MCTP2: variants seen among roughly 807,000 people sequenced by gnomAD.
MCTP2 encodes multiple C2 and transmembrane domain containing 2.
In MCTP2, 132 loss-of-function variants were observed where a neutral mutation model predicts 111.6. The observed-to-expected ratio is 1.18, with a 90% CI of 1.03 to 1.37. The LOEUF is 1.37. Ranked by LOEUF, MCTP2 falls within the 40% of genes most tolerant of loss-of-function variation. MCTP2 has a pLI of 0.00. For synonymous variants in MCTP2, 395 were observed against 387.7 expected, an observed-to-expected ratio of 1.02 and a Z score of -0.22; for missense variants, 1,183 against 1,067.9, an observed-to-expected ratio of 1.11 and a Z score of -1.50.
At chr15:94,380,550 A>T (rs1449450478) in intron 12 of MCTP2, among the ~76,000 whole-genome samples, 2 of 152,026 alleles carry the variant, frequency 1.3e-5, no homozygotes, top group Non-Finnish European at 2.9e-5. Context: ...GGTGGATCAC[A>T]TGAGGTCAGG....
intron 4 of MCTP2, among the ~76,000 whole-genome samples, chr15:94,316,866 C>T (rs2076399845): frequency 6.6e-6 from 1 of 151,990 alleles, no homozygotes; most frequent in East Asian, 1.9e-4. Context: ...TGGACGGTTT[C>T]TCCTGTTGCT....
intron 17 of MCTP2, among the ~76,000 whole-genome samples, chr15:94,428,997 T>C (rs1007801253): frequency 2.0e-5 from 3 of 152,236 alleles, no homozygotes; most frequent in African/African-American, 7.2e-5. Context: ...CTTTTCACTC[T>C]TCTAGACAAT....
chr15:94,306,190 C>T (rs1217434294), intron 2 of MCTP2, among the ~76,000 whole-genome samples: 1 of 152,132 alleles, frequency 6.6e-6, no homozygotes, highest in Non-Finnish European at 1.5e-5. Context: ...ATTAGTAAGA[C>T]TTAGATAGGC....
intron 4 of MCTP2, among the ~76,000 whole-genome samples, chr15:94,328,295 A>ATT (rs1188292529): frequency 6.6e-6 from 1 of 151,446 alleles, no homozygotes; most frequent in Admixed American, 6.6e-5. Flanking sequence ...CGCCCGGCTA[A>ATT]TTTTTTGTAT....
intron 4 of MCTP2, among the ~76,000 whole-genome samples, chr15:94,326,813 G>GCCCCCCCCCCCCCCCCCCCCCC (rs1358678233): frequency 2.6e-5 from 1 of 39,058 alleles, no homozygotes; most frequent in Non-Finnish European, 5.4e-5. Flanking sequence ...GGTGATCCCC[G>GCCCCCCCCCCCCCCCCCCCCCC]CCCCACCCCC....
At chr15:94,398,105 A>G (rs564201343) in intron 14 of MCTP2, among the ~76,000 whole-genome samples, 3 of 152,318 alleles carry the variant, frequency 2.0e-5, no homozygotes, top group African/African-American at 7.2e-5. Context: ...CAGGTAGACT[A>G]CTGTATGGAA....
chr15:94,248,612 C>G (rs373570636), intron 1 of MCTP2, among the ~76,000 whole-genome samples: 148 of 152,326 alleles, frequency 9.7e-4, no homozygotes, highest in African/African-American at 3.6e-3. Context: ...TCCTGTCATT[C>G]TCAGGCTGTC....
At chr15:94,246,587 T>A (rs1425884054) in intron 1 of MCTP2, among the ~76,000 whole-genome samples, 7 of 152,222 alleles carry the variant, frequency 4.6e-5, no homozygotes, top group Admixed American at 6.5e-5. Context: ...AATTGCTTCA[T>A]ATTTAAAAAC....
intron 1 of MCTP2, among the ~76,000 whole-genome samples, chr15:94,257,209 TC>T (rs1265532836): frequency 6.6e-6 from 1 of 152,186 alleles, no homozygotes; most frequent in Non-Finnish European, 1.5e-5. Flanking sequence ...CACTTAAGTC[TC>T]TGCTCACATG....
At chr15:94,298,775 T>TCC in intron 2 of MCTP2, 45 bp downstream of exon 2, 2 of 1,320,514 alleles carry the variant, frequency 1.5e-6, no homozygotes, top group Non-Finnish European at 2.1e-6. Context: ...TCTCTCTCTC[T>TCC]CTCTCTTTCC....
At chr15:94,463,372 G>C (rs1011599463) in intron 20 of MCTP2, among the ~76,000 whole-genome samples, 2 of 152,026 alleles carry the variant, frequency 1.3e-5, no homozygotes. Flanking sequence ...TAGTTTAAAT[G>C]GCATCTTTTC....
chr15:94,430,393 TCACACACACACACACACACACA>T (rs35129445), intron 17 of MCTP2, among the ~76,000 whole-genome samples: 84 of 107,198 alleles, frequency 7.8e-4, no homozygotes, highest in African/African-American at 2.5e-3. Context: ...CCAAAAACAA[TCACACACACACACACACACACA>T]CACACACACA....
At chr15:94,390,725 C>CTTTTTTTTTTTTTTTTT (rs777312969) in intron 14 of MCTP2, among the ~76,000 whole-genome samples, 1 of 112,984 alleles carries the variant, frequency 8.9e-6, no homozygotes, top group Non-Finnish European at 1.9e-5. Flanking sequence ...CTTTTCTTTT[C>CTTTTTTTTTTTTTTTTT]TTTTTTTTTT....
chr15:94,453,385 G>A (rs1342908209), intron 19 of MCTP2, among the ~76,000 whole-genome samples: 6 of 152,210 alleles, frequency 3.9e-5, no homozygotes, highest in Non-Finnish European at 7.3e-5. Flanking sequence ...TCTCAGATGA[G>A]CTAATCCCTT....
chr15:94,430,393 T>TCTCACA (rs574251105), intron 17 of MCTP2, among the ~76,000 whole-genome samples: 9 of 107,184 alleles, frequency 8.4e-5, no homozygotes, highest in African/African-American at 3.0e-4. Context: ...CCAAAAACAA[T>TCTCACA]CACACACACA....
chr15:94,443,047 CTT>C (rs529237554), intron 19 of MCTP2, 87 bp downstream of exon 19: 13,815 of 562,904 alleles, frequency 0.025, no homozygotes, highest in South Asian at 0.031. Flanking sequence ...TCTCTCCTCT[CTT>C]TTTTTTTTTT....
intron 8 of MCTP2, among the ~76,000 whole-genome samples, chr15:94,352,759 G>A (rs111611779): frequency 6.6e-6 from 1 of 152,214 alleles, no homozygotes; most frequent in African/African-American, 2.4e-5. Flanking sequence ...TTGATTTATT[G>A]TGAGGGAAAA....
At chr15:94,471,952 T>C (rs2073964725) in intron 21 of MCTP2, among the ~76,000 whole-genome samples, 1 of 152,218 alleles carries the variant, frequency 6.6e-6, no homozygotes, top group South Asian at 2.1e-4. Flanking sequence ...ATCATTTGGC[T>C]AGTGGTTTGT....
In MCTP2 at chr15:94,318,271, AATTTTTTTTTTTTTT is replaced by A. The variant is rs1438424299; in HGVS notation, c.637+2635_637+2649del. 1.0e-4 allele frequency among the ~76,000 whole-genome samples: 10 copies of A among 97,550 alleles called. No homozygotes were observed. In the South Asian group the frequency reaches 1.6e-3, roughly 15 times the overall value. 64.0% of individuals were successfully genotyped at this position (97,550 alleles called of 152,430 possible). A position where few individuals can be genotyped will look rare whatever the true frequency, so the allele number is the denominator to read the frequency against. ...ATTTATGGAATTTCTTCAAAAAAAA[AATTTTTTTTTTTTTT>A]TTTTTTTTTTTTTTTGAGACGGAGT... On this transcript the variant is annotated intron_variant, in intron 4 of 22. Coordinates refer to ENST00000357742, the MANE Select transcript of MCTP2 (RefSeq NM_001385001.1).
Sources: allele counts gnomAD v4.1 joint callset (sites outside exome capture counted in the v4.1 genomes callset), GRCh38; gene constraint gnomAD v4.1.1; transcripts MANE v1.5; gene names NCBI Gene and HGNC (gene_info 2026-07-23, HGNC 2026-07-21).